LRRTM4: variants seen among roughly 807,000 people sequenced by gnomAD.
LRRTM4 encodes the protein leucine rich repeat transmembrane neuronal 4.
A neutral mutation model predicts 47.6 loss-of-function variants in LRRTM4; 25 were observed. That is an observed-to-expected ratio of 0.53 (90% CI 0.38 to 0.73). The LOEUF (loss-of-function observed/expected upper bound fraction) is 0.73. Among genes scored for constraint, LRRTM4 ranks in the 30% least tolerant of loss-of-function variants. The pLI is 0.00. For synonymous variants in LRRTM4, 311 were observed against 269.5 expected, an observed-to-expected ratio of 1.15 and a Z score of -1.51; for missense variants, 638 against 713.4, an observed-to-expected ratio of 0.89 and a Z score of 1.20.
At chr2:76,965,483 G>A (rs1334658664) in intron 3 of LRRTM4, among the ~76,000 whole-genome samples, 10 of 151,258 alleles carry the variant, frequency 6.6e-5, no homozygotes, top group Admixed American at 3.3e-4. Context: ...TTGATGAGCA[G>A]AAACATCTTT....
At chr2:77,225,720 A>T (rs1674785833) in intron 3 of LRRTM4, among the ~76,000 whole-genome samples, 1 of 152,160 alleles carries the variant, frequency 6.6e-6, no homozygotes, top group Non-Finnish European at 1.5e-5. Context: ...GATGAAATAC[A>T]CAATATAGCC....
chr2:77,197,166 C>G (rs1418437631), intron 3 of LRRTM4, among the ~76,000 whole-genome samples: 1 of 152,026 alleles, frequency 6.6e-6, no homozygotes, highest in Admixed American at 6.6e-5. Flanking sequence ...TAATCTTAAT[C>G]TTTGTACTGA....
At chr2:76,966,003 T>G (rs1676011174) in intron 3 of LRRTM4, among the ~76,000 whole-genome samples, 1 of 151,404 alleles carries the variant, frequency 6.6e-6, no homozygotes. Context: ...TTTCCCAACA[T>G]CTACTCTGGT....
At chr2:76,800,295 G>C (rs1254205517) in intron 3 of LRRTM4, among the ~76,000 whole-genome samples, 1 of 149,336 alleles carries the variant, frequency 6.7e-6, no homozygotes, top group African/African-American at 2.5e-5. Context: ...CAGAAATAGT[G>C]CCGCATATCT....
At chr2:76,942,829 G>C (rs1384354127) in intron 3 of LRRTM4, among the ~76,000 whole-genome samples, 1 of 151,896 alleles carries the variant, frequency 6.6e-6, no homozygotes, top group Admixed American at 6.6e-5. Flanking sequence ...CTATCTTATG[G>C]CTTCTAATTC....
At chr2:76,847,306 C>T (rs779875187) in intron 3 of LRRTM4, among the ~76,000 whole-genome samples, 6 of 151,924 alleles carry the variant, frequency 3.9e-5, no homozygotes, top group Non-Finnish European at 7.4e-5. Context: ...ACATAATTTC[C>T]GATAGAAAAG....
intron 3 of LRRTM4, among the ~76,000 whole-genome samples, chr2:76,963,218 G>A (rs1305567742): frequency 1.3e-5 from 2 of 150,806 alleles, no homozygotes; most frequent in Non-Finnish European, 3.0e-5. Flanking sequence ...AAAAGTAAAA[G>A]TAAAATTAAT....
chr2:77,229,365 C>A (rs974721407), intron 3 of LRRTM4, among the ~76,000 whole-genome samples: 1 of 152,084 alleles, frequency 6.6e-6, no homozygotes, highest in Non-Finnish European at 1.5e-5. Context: ...CAAACAATTT[C>A]TTAACTTTCT....
At chr2:77,292,240 C>G (rs1372797603) in intron 3 of LRRTM4, among the ~76,000 whole-genome samples, 1 of 149,846 alleles carries the variant, frequency 6.7e-6, no homozygotes. Flanking sequence ...CACTTTTACA[C>G]TGTTGGTGGG....
rs952900592 is a variant in LRRTM4 at position 76,748,494 on chromosome 2, G to A, written c.*201C>T. The A allele has an allele frequency of 2.1e-5, 12 of 581,572 alleles. No homozygotes were observed. The highest frequency in any genetic ancestry group is 1.9e-4 in the African/African-American group (10 of 53,520). 36.0% of individuals were successfully genotyped at this position (581,572 alleles called of 1,614,324 possible). A position where few individuals can be genotyped will look rare whatever the true frequency, so the allele number is the denominator to read the frequency against. On this transcript the variant is annotated 3_prime_UTR_variant, in exon 4 of 4. Coordinates refer to ENST00000409884, the MANE Select transcript of LRRTM4 (RefSeq NM_001134745.3). ...GTTTTAAAGCAAAGAAAGTTCTGCA[G>A]TCCTCCCGGTAATGCTGCAGGTGCA...
At chr2:76,758,902 CT>C (rs1190258270) in intron 3 of LRRTM4, among the ~76,000 whole-genome samples, 2 of 152,186 alleles carry the variant, frequency 1.3e-5, no homozygotes, top group African/African-American at 4.8e-5. Context: ...CCACTCAAGT[CT>C]GCCTTTATCA....
At chr2:77,299,286 C>A (rs913493710) in intron 3 of LRRTM4, among the ~76,000 whole-genome samples, 5 of 150,982 alleles carry the variant, frequency 3.3e-5, no homozygotes, top group African/African-American at 1.2e-4. Context: ...CACACACACA[C>A]ACGTATATGT....
At chr2:77,418,366 A>G (rs1674729814) in intron 3 of LRRTM4, among the ~76,000 whole-genome samples, 1 of 152,190 alleles carries the variant, frequency 6.6e-6, no homozygotes, top group Non-Finnish European at 1.5e-5. Flanking sequence ...TTAAACTGAG[A>G]AAAATAATAT....
At chr2:76,773,256 T>G (rs1049340095) in intron 3 of LRRTM4, among the ~76,000 whole-genome samples, 2 of 152,238 alleles carry the variant, frequency 1.3e-5, no homozygotes, top group Non-Finnish European at 2.9e-5. Context: ...CCTAATCACA[T>G]TTATCATTCT....
chr2:77,023,782 C>T (rs545644822), intron 3 of LRRTM4, among the ~76,000 whole-genome samples: 53 of 152,280 alleles, frequency 3.5e-4, no homozygotes, highest in African/African-American at 1.3e-3. Flanking sequence ...TTTCCCACAT[C>T]TTCCTGTCTT....
At chr2:77,200,280 G>T (rs1408783272) in intron 3 of LRRTM4, among the ~76,000 whole-genome samples, 13 of 152,002 alleles carry the variant, frequency 8.6e-5, no homozygotes, top group Admixed American at 6.6e-4. Flanking sequence ...AAACTTGAAA[G>T]AAACATAATA....
chr2:76,771,181 A>T (rs866912693), intron 3 of LRRTM4, among the ~76,000 whole-genome samples: 1 of 152,228 alleles, frequency 6.6e-6, no homozygotes. Context: ...ACAATCACTG[A>T]TTCCTCACTT....
chr2:77,512,197 T>G (rs914538055), intron 3 of LRRTM4, among the ~76,000 whole-genome samples: 3 of 152,186 alleles, frequency 2.0e-5, no homozygotes, highest in African/African-American at 7.2e-5. Context: ...AGCATTATTT[T>G]TAAACTCTTT....
intron 3 of LRRTM4, among the ~76,000 whole-genome samples, chr2:77,398,573 T>A (rs950526224): frequency 6.6e-5 from 10 of 151,908 alleles, no homozygotes; most frequent in Admixed American, 6.6e-4. Flanking sequence ...TGGTCATATA[T>A]CAGAATTGGA....
Sources: allele counts gnomAD v4.1 joint callset (sites outside exome capture counted in the v4.1 genomes callset), GRCh38; gene constraint gnomAD v4.1.1; transcripts MANE v1.5; gene names NCBI Gene and HGNC (gene_info 2026-07-23, HGNC 2026-07-21).